The following KIRREL3 variants were observed in gnomAD, a reference collection of about 807,000 sequenced individuals.
The protein encoded by KIRREL3 is kirre like nephrin family adhesion molecule 3.
Under a neutral mutation model 89.7 loss-of-function variants are expected in KIRREL3, and 36 were observed. The observed-to-expected ratio is 0.40, with a 90% CI of 0.31 to 0.53. The LOEUF is 0.53. Ranked by LOEUF, KIRREL3 falls within the 20% of genes least tolerant of loss-of-function variation. The probability of loss-of-function intolerance (pLI) is 0.49; values close to 1 mark genes in which losing one functional copy is unlikely to be tolerated. For missense variants in KIRREL3, 864 were observed against 1,056.6 expected, an observed-to-expected ratio of 0.82 and a Z score of 2.53; for synonymous variants, 445 against 441.4, an observed-to-expected ratio of 1.01 and a Z score of -0.10.
intron 1 of KIRREL3, among the ~76,000 whole-genome samples, chr11:126,888,324 T>C (rs1945777670): frequency 6.6e-6 from 1 of 152,096 alleles, no homozygotes. Flanking sequence ...TCAGTTCAGC[T>C]CTTCTACCTC....
chr11:126,499,821 A>G (rs933428218), intron 4 of KIRREL3, among the ~76,000 whole-genome samples: 6 of 152,206 alleles, frequency 3.9e-5, no homozygotes, highest in African/African-American at 1.2e-4. Context: ...TGAAATGAAC[A>G]CTTCCTCAGT....
At position 126,521,911 on chromosome 11, in the gene KIRREL3, T is replaced by C. The variant is rs960912000; in HGVS notation, c.284-447A>G. Among the ~76,000 whole-genome samples, 2 of 152,050 alleles carry C rather than the reference T, an allele frequency of 1.3e-5. No individual in the cohort carries two copies. Among genetic ancestry groups the C allele is most frequent in the Non-Finnish European group, 2.9e-5 (2 of 68,012 alleles). On this transcript the variant is annotated intron_variant, in intron 3 of 16. Coordinates refer to ENST00000525144, the MANE Select transcript of KIRREL3 (RefSeq NM_032531.4). This position sits in a 1 kb window ranked among gnomAD's most constrained non-coding sequence, Gnocchi z 4.1. ...AGACATGCACCACCACGTCGGCTAA[T>C]TTTTTTATCTTTTGTAGAGATGGGA...
At chr11:126,962,595 CA>C (rs1236462840) in intron 1 of KIRREL3, among the ~76,000 whole-genome samples, 2 of 152,112 alleles carry the variant, frequency 1.3e-5, no homozygotes, top group Non-Finnish European at 2.9e-5. Context: ...GAAACGACAA[CA>C]AAAGATTTAG....
rs1274323700 is a variant in KIRREL3, at chr11:126,724,172, A to G, written c.56-161260T>C. On this transcript the variant is annotated intron_variant, in intron 1 of 16. Coordinates refer to ENST00000525144, the MANE Select transcript of KIRREL3 (RefSeq NM_032531.4). The surrounding 1 kb of genome is among the most constrained non-coding windows in gnomAD (Gnocchi z 4.3). ...GACTTAAGAGACAATGTGGGGAAGA[A>G]CATCACCCCCATTTCAACCTTCAGA... Among the ~76,000 whole-genome samples the G allele has an allele frequency of 6.6e-6, 1 of 152,208 alleles. No homozygotes were observed. The highest frequency in any genetic ancestry group is 1.5e-5 in the Non-Finnish European group (1 of 68,030).
At position 126,772,887 on chromosome 11, in the gene KIRREL3, G is replaced by A. The variant is rs1950060909; in HGVS notation, c.56-209975C>T. On this transcript the variant is annotated intron_variant, in intron 1 of 16. Coordinates refer to ENST00000525144, the MANE Select transcript of KIRREL3 (RefSeq NM_032531.4). The surrounding 1 kb of genome is among the most constrained non-coding windows in gnomAD (Gnocchi z 4.6). ...CATAATTTGGCCAGAAACCTGCTTG[G>A]CCAACAATCTCCCCAGTGATTCTTA... Among the ~76,000 whole-genome samples, 1 of 152,144 alleles carries A rather than the reference G, an allele frequency of 6.6e-6. No homozygotes were observed. Among genetic ancestry groups the A allele is most frequent in the South Asian group, 2.1e-4 (1 of 4,824 alleles).
At chr11:126,650,713 G>C (rs1019223733) in intron 1 of KIRREL3, among the ~76,000 whole-genome samples, 1 of 152,078 alleles carries the variant, frequency 6.6e-6, no homozygotes, top group African/African-American at 2.4e-5. Context: ...ACATTTTCGT[G>C]TCTTCTTCTG....
chr11:126,947,708 G>A (rs530982621), intron 1 of KIRREL3, among the ~76,000 whole-genome samples: 1 of 152,340 alleles, frequency 6.6e-6, no homozygotes, highest in South Asian at 2.1e-4. Flanking sequence ...TGCAGACTGA[G>A]ATGGGATTAA....
chr11:126,567,788 G>C (rs1940624698), intron 1 of KIRREL3, among the ~76,000 whole-genome samples: 1 of 152,190 alleles, frequency 6.6e-6, no homozygotes, highest in African/African-American at 2.4e-5. Flanking sequence ...GGACCGTATT[G>C]GCCAGGACAG....
At chr11:126,545,889 C>G (rs1938778445) in intron 2 of KIRREL3, among the ~76,000 whole-genome samples, 1 of 152,158 alleles carries the variant, frequency 6.6e-6, no homozygotes, top group African/African-American at 2.4e-5. Flanking sequence ...GAGGCAAGGG[C>G]CATTTAATGT....
intron 1 of KIRREL3, among the ~76,000 whole-genome samples, chr11:126,722,754 A>G (rs1948227111): frequency 6.6e-6 from 1 of 152,254 alleles, no homozygotes; most frequent in Non-Finnish European, 1.5e-5. Flanking sequence ...CTCCGTGTGG[A>G]CAAGGATTTT....
chr11:126,810,143 G>A (rs1592159106), intron 1 of KIRREL3, among the ~76,000 whole-genome samples: 1 of 152,254 alleles, frequency 6.6e-6, no homozygotes, highest in South Asian at 2.1e-4. Flanking sequence ...TCATCCCCTT[G>A]CTCACACTGG....
intron 4 of KIRREL3, among the ~76,000 whole-genome samples, chr11:126,483,387 T>G (rs147582017): frequency 6.6e-6 from 1 of 152,380 alleles, no homozygotes. Context: ...CTATCGTTTG[T>G]TACACGGGTG....
In KIRREL3 at chr11:126,623,369, T is replaced by C. The variant is rs1943650132; in HGVS notation, c.56-60457A>G. ...CATGGATGAAGGGAGCCCTCTGAAT[T>C]CTCCCACATCTCTGGGCACCCCTCT... On this transcript the variant is annotated intron_variant, in intron 1 of 16. Coordinates refer to ENST00000525144, the MANE Select transcript of KIRREL3 (RefSeq NM_032531.4). The surrounding 1 kb of genome is among the most constrained non-coding windows in gnomAD (Gnocchi z 4.1). Among the ~76,000 whole-genome samples, 1 of 152,078 alleles carries C rather than the reference T, an allele frequency of 6.6e-6. No individual in the cohort carries two copies. Among genetic ancestry groups the C allele is most frequent in the South Asian group, 2.1e-4 (1 of 4,828 alleles).
chr11:126,540,490 G>A (rs1397127567), intron 2 of KIRREL3, among the ~76,000 whole-genome samples: 1 of 152,164 alleles, frequency 6.6e-6, no homozygotes, highest in African/African-American at 2.4e-5. Flanking sequence ...GGTCTTTAAC[G>A]AAGAGCAATC....
intron 2 of KIRREL3, among the ~76,000 whole-genome samples, chr11:126,556,685 T>G (rs570712912): frequency 6.6e-6 from 1 of 152,132 alleles, no homozygotes; most frequent in African/African-American, 2.4e-5. Flanking sequence ...GTCCACAGTC[T>G]AAGAGAGGCA....
intron 1 of KIRREL3, among the ~76,000 whole-genome samples, chr11:126,688,480 T>G: frequency 6.6e-6 from 1 of 152,344 alleles, no homozygotes; most frequent in South Asian, 2.1e-4. Context: ...TTTTTCTTTT[T>G]TTTCTAGGAG....
At chr11:126,631,751 T>G (rs529669656) in intron 1 of KIRREL3, among the ~76,000 whole-genome samples, 1 of 152,356 alleles carries the variant, frequency 6.6e-6, no homozygotes, top group African/African-American at 2.4e-5. Context: ...GCTCATTTTA[T>G]TCCTACAACA....
chr11:126,867,742 T>C lies in KIRREL3; in HGVS notation c.55+132713A>G, dbSNP rs1021717927. ...GCTAGGATGTAAGTTGGCCAGAATC[T>C]GAACCCAGACTTTCTGCCTTTTTTA... On this transcript the variant is annotated intron_variant, in intron 1 of 16. Transcript: ENST00000525144. The surrounding 1 kb of genome is among the most constrained non-coding windows in gnomAD (Gnocchi z 4.7). 1.1e-4 allele frequency among the ~76,000 whole-genome samples: 17 copies of C among 152,246 alleles called. No homozygotes were observed. The highest frequency in any genetic ancestry group is 2.4e-4 in the Non-Finnish European group (16 of 68,048).
chr11:126,927,268 A>G (rs1045604632), intron 1 of KIRREL3, among the ~76,000 whole-genome samples: 1 of 152,214 alleles, frequency 6.6e-6, no homozygotes, highest in Non-Finnish European at 1.5e-5. Flanking sequence ...GCATACATGC[A>G]CACACATACA....
Sources: allele counts gnomAD v4.1 joint callset (sites outside exome capture counted in the v4.1 genomes callset), GRCh38; gene constraint gnomAD v4.1.1; non-coding constraint Gnocchi (gnomAD v3.1); transcripts MANE v1.5; gene names NCBI Gene and HGNC (gene_info 2026-07-23, HGNC 2026-07-21).